ANK2: variants seen among roughly 807,000 people sequenced by gnomAD.
ANK2 encodes ankyrin-2.
In ANK2, 83 loss-of-function variants were observed where a neutral mutation model predicts 360.5. That is an observed-to-expected ratio of 0.23 (90% confidence interval 0.19 to 0.28). ANK2 has a LOEUF of 0.28. Among genes scored for constraint, ANK2 ranks in the 10% least tolerant of loss-of-function variants. ANK2 has a pLI of 1.00. For synonymous variants in ANK2, 1,740 were observed against 1,759.5 expected, an observed-to-expected ratio of 0.99 and a Z score of 0.28; for missense variants, 4,201 against 4,795.7, an observed-to-expected ratio of 0.88 and a Z score of 3.66.
chr4:113,214,121 G>T (rs1388217136), intron 4 of ANK2: 1 of 756,828 alleles, frequency 1.3e-6, no homozygotes, highest in African/African-American at 1.8e-5. Flanking sequence ...GGTCCTTGCG[G>T]GCTTCACGAG....
At chr4:113,025,260 A>G (rs1395111) in intron 2 of ANK2, among the ~76,000 whole-genome samples, 95,382 of 151,946 alleles carry the variant, frequency 0.63, 30,084 homozygotes, top group South Asian at 0.72. Flanking sequence ...CATGTACAAA[A>G]TGGCTACCTT....
Position 113,248,198 on chromosome 4 carries a change from G to T in ANK2, c.892-1566G>T, listed in dbSNP as rs1586036636. ...GTCAAGGTCCTAGCCAAAAACAGAG[G>T]CCCAAATTTGATCATTTGATTAGAG... On this transcript the variant is annotated intron_variant, in intron 9 of 45. Coordinates refer to ENST00000357077, the MANE Select transcript of ANK2 (RefSeq NM_001148.6). Among the ~76,000 whole-genome samples the T allele has an allele frequency of 2.6e-5, 4 of 152,208 alleles. No homozygotes were observed. In the South Asian group the frequency reaches 8.3e-4, roughly 32 times the overall value.
intron 2 of ANK2, among the ~76,000 whole-genome samples, chr4:113,012,423 C>T (rs1466771641): frequency 1.4e-4 from 21 of 152,118 alleles, no homozygotes; most frequent in Non-Finnish European, 2.9e-5. Flanking sequence ...TCTTTCCTTT[C>T]AGAGAATAAG....
Position 113,359,259 on chromosome 4 carries a change from T to C in ANK2, c.10641T>C (p.Ile3547=), listed in dbSNP as rs377212743. 49 of 1,613,840 alleles carry C rather than the reference T, an allele frequency of 3.0e-5. No individual in the cohort carries two copies. The highest frequency in any genetic ancestry group is 3.7e-5 in the Non-Finnish European group (44 of 1,179,880). The change falls in exon 38 of 46, where the codon ATT becomes ATC. Residue 3547 remains isoleucine (I), a synonymous_variant. Transcript: ENST00000357077. ...PIWDESIETL[I]ERIPDENGHD... The stretch of plus-strand genomic sequence containing the variant: ...GGGATGAGTCTATTGAGACTCTGAT[T>C]GAACGCATCCCTGATGAAAATGGCC...
At chr4:113,035,294 C>T (rs2061353776) in intron 2 of ANK2, among the ~76,000 whole-genome samples, 1 of 151,446 alleles carries the variant, frequency 6.6e-6, no homozygotes, top group Admixed American at 6.6e-5. Context: ...TTAATATAGA[C>T]AAGAAGTGGC....
intron 2 of ANK2, among the ~76,000 whole-genome samples, chr4:112,914,906 C>T (rs2089211229): frequency 6.6e-6 from 1 of 152,196 alleles, no homozygotes; most frequent in South Asian, 2.1e-4. Flanking sequence ...TGAAGGAATA[C>T]ATGAATTTGA....
At chr4:113,110,994 G>A (rs2094229961) in intron 1 of ANK2, among the ~76,000 whole-genome samples, 1 of 151,962 alleles carries the variant, frequency 6.6e-6, no homozygotes, top group Non-Finnish European at 1.5e-5. Context: ...ATTATTTACT[G>A]GCCAAGCATA....
At chr4:112,778,088 G>A in the ANK2 span, among the ~76,000 whole-genome samples, 86 of 152,086 alleles carry the variant, frequency 5.7e-4, no homozygotes, top group African/African-American at 1.8e-3. Flanking sequence ...TTCTGCCTCG[G>A]CCTTCCGAGG....
intron 2 of ANK2, among the ~76,000 whole-genome samples, chr4:113,043,454 A>AAAT (rs34297293): frequency 6.6e-6 from 1 of 151,600 alleles, no homozygotes; most frequent in Non-Finnish European, 1.5e-5. Flanking sequence ...AAAAAAAAAA[A>AAAT]GAGACAGGGT....
intron 2 of ANK2, among the ~76,000 whole-genome samples, chr4:112,925,515 T>C (rs948642237): frequency 6.6e-6 from 1 of 152,172 alleles, no homozygotes; most frequent in Non-Finnish European, 1.5e-5. Context: ...AAAGAAAAAT[T>C]TCACTTGGTT....
chr4:113,249,938 A>G, intron 10 of ANK2, 76 bp downstream of exon 10: 2 of 1,349,842 alleles, frequency 1.5e-6, no homozygotes, highest in South Asian at 1.2e-5. Flanking sequence ...TCTTTTTTAA[A>G]TTGAAACATC....
chr4:113,346,685 T>C (rs1401455361), intron 35 of ANK2, among the ~76,000 whole-genome samples: 8 of 152,112 alleles, frequency 5.3e-5, no homozygotes, highest in Admixed American at 5.2e-4. Context: ...AAATTGTTGG[T>C]TAAAATAAAA....
At chr4:112,799,823 C>CTT in the ANK2 span, among the ~76,000 whole-genome samples, 3 of 125,984 alleles carry the variant, frequency 2.4e-5, no homozygotes, top group Admixed American at 8.4e-5. Flanking sequence ...CAGCCCACCT[C>CTT]TTTTTTTTTT....
chr4:113,316,864 G>A (rs953309323), intron 24 of ANK2, among the ~76,000 whole-genome samples: 2 of 152,180 alleles, frequency 1.3e-5, no homozygotes, highest in East Asian at 3.8e-4. Context: ...GTTTATCAAG[G>A]CCTAAATCCC....
chr4:113,337,521 A>T (rs771656561), intron 31 of ANK2, among the ~76,000 whole-genome samples: 1 of 152,220 alleles, frequency 6.6e-6, no homozygotes, highest in Non-Finnish European at 1.5e-5. Flanking sequence ...CAATAATTAC[A>T]TGGTGTTGGT....
chr4:112,875,459 T>C (rs112861643), intron 1 of ANK2, among the ~76,000 whole-genome samples: 5 of 151,870 alleles, frequency 3.3e-5, no homozygotes, highest in African/African-American at 1.2e-4. Context: ...ACTACAGGCA[T>C]GTGCCACCAT....
chr4:113,355,119 C>T lies in ANK2; in HGVS notation c.6501C>T (p.Asp2167=). ...EETEKAQLHL[D]QVLTSPFNTT... ...CAGAAAAGGCACAGCTTCACTTAGA[C>T]CAAGTACTCACTAGTCCTTTCAACA... Residue 2167 remains aspartate, a synonymous_variant, in exon 38 of 46, where the codon GAC becomes GAT. Transcript: ENST00000357077. 2 of 1,614,120 alleles carry T rather than the reference C, an allele frequency of 1.2e-6. No individual in the cohort carries two copies. Among genetic ancestry groups the T allele is most frequent in the Non-Finnish European group, 1.7e-6 (2 of 1,180,002 alleles).
chr4:112,830,616 T>A (rs2059496180), intron 1 of ANK2, among the ~76,000 whole-genome samples: 1 of 112,358 alleles, frequency 8.9e-6, no homozygotes, highest in Admixed American at 8.5e-5. Flanking sequence ...ATTATTATTA[T>A]TATTTTTTTT....
In ANK2 at chr4:113,330,129, C is replaced by T. The variant is rs111698115; in HGVS notation, c.2901-117C>T. Reference sequence around the variant, plus strand: ...TAAAAACAAGCATTTTACCACCATGCATTTAAATAAAAAAGAGAGATTTTG... The same window carrying T: ...TAAAAACAAGCATTTTACCACCATGTATTTAAATAAAAAAGAGAGATTTTG... On this transcript the variant is annotated intron_variant, in intron 26 of 45. Coordinates refer to ENST00000357077, the MANE Select transcript of ANK2 (RefSeq NM_001148.6). The T allele has an allele frequency of 1.5e-3, 1,392 of 948,148 alleles. 17 individuals carry two copies. In the African/African-American group the frequency reaches 0.021, roughly 14 times the overall value. The allele number at this position is 948,148 out of a possible 1,614,324, so 58.7% of individuals were successfully genotyped here.
Sources: allele counts gnomAD v4.1 joint callset (sites outside exome capture counted in the v4.1 genomes callset), GRCh38; gene constraint gnomAD v4.1.1; transcripts MANE v1.5; gene names NCBI Gene and HGNC (gene_info 2026-07-23, HGNC 2026-07-21).